The following MAGEC3 variants were observed in gnomAD, a reference collection of about 807,000 sequenced individuals.
MAGEC3 encodes the protein MAGE family member C3.
A neutral mutation model predicts 35.3 loss-of-function variants in MAGEC3; 34 were observed. The observed-to-expected ratio is 0.96, with a 90% CI of 0.73 to 1.28. MAGEC3 has a LOEUF of 1.28. MAGEC3 is among the 50% of genes most tolerant of loss of function. MAGEC3 has a pLI of 0.00. For synonymous variants in MAGEC3, 202 were observed against 185.6 expected (o/e 1.09, Z -0.72); for missense variants, 561 against 483.6 (o/e 1.16, Z -1.50).
intron 3 of MAGEC3, among the ~76,000 whole-genome samples, 153 bp from the exon 4 acceptor site, chrX:141,881,250 T>C (rs758530033): frequency 9.0e-6 from 1 of 110,953 alleles, no homozygotes; most frequent in East Asian, 2.9e-4. Flanking sequence ...AGTAGCTGTC[T>C]GCTGGGATGC....
chrX:141,893,373 A>G (rs149322358), intron 4 of MAGEC3, among the ~76,000 whole-genome samples: 516 of 111,354 alleles, frequency 4.6e-3, no homozygotes, highest in African/African-American at 0.016. Context: ...TAAAAATATC[A>G]GTGGTTTCCG....
At chrX:141,854,101 T>C (rs1335820266) in intron 1 of MAGEC3, among the ~76,000 whole-genome samples, 1 of 111,459 alleles carries the variant, frequency 9.0e-6, no homozygotes, top group Non-Finnish European at 1.9e-5. Flanking sequence ...AGCCCTGCGA[T>C]AGATTATGGG....
Position 141,881,385 on chromosome X carries a change from T to C in MAGEC3, c.516-18T>C, listed in dbSNP as rs373092952. ...AGCCTAGCAGCCAATAAGATGAAGA[T>C]ACAAGTACCTGGCACAGCTTGCCAG... On this transcript the variant is annotated intron_variant, in intron 3 of 7. Transcript: ENST00000298296. The C allele has an allele frequency of 3.2e-5, 38 of 1,177,911 alleles. No individual in the cohort carries two copies. The highest frequency in any genetic ancestry group is 4.9e-5 in the Admixed American group (2 of 40,531).
At chrX:141,847,539 A>C (rs1482089759) in intron 1 of MAGEC3, among the ~76,000 whole-genome samples, 2 of 111,795 alleles carry the variant, frequency 1.8e-5, no homozygotes, top group Non-Finnish European at 3.8e-5. Flanking sequence ...AATGAAGTTC[A>C]ATTAGAAATC....
chrX:141,843,560 C>T lies in MAGEC3; in HGVS notation c.123+5122C>T, dbSNP rs184401466. Among the ~76,000 whole-genome samples the T allele has an allele frequency of 5.3e-3, 592 of 111,154 alleles. 2 individuals carry two copies. Among genetic ancestry groups the T allele is most frequent in the Non-Finnish European group, 9.2e-3 (485 of 52,794 alleles). Reference sequence around the variant, plus strand: ...GAGGGAAAAATAAACTTCCTTCAAACTATATATCACCCCATGAACAGAATG... The same window carrying T: ...GAGGGAAAAATAAACTTCCTTCAAATTATATATCACCCCATGAACAGAATG... On this transcript the variant is annotated intron_variant, in intron 1 of 7. Transcript: ENST00000298296.
At chrX:141,871,467 C>T (rs1365337299) in intron 2 of MAGEC3, among the ~76,000 whole-genome samples, 2 of 111,451 alleles carry the variant, frequency 1.8e-5, no homozygotes, top group Non-Finnish European at 3.8e-5. Flanking sequence ...TGTGGCAAGA[C>T]AGAGTGGAGA....
intron 1 of MAGEC3, among the ~76,000 whole-genome samples, chrX:141,850,004 A>T (rs1287867324): frequency 4.5e-5 from 5 of 111,731 alleles, no homozygotes; most frequent in Admixed American, 9.5e-5. Context: ...TGGATTTTTT[A>T]AAATGTGGTA....
intron 1 of MAGEC3, among the ~76,000 whole-genome samples, chrX:141,859,889 T>G (rs1159964270): frequency 8.9e-6 from 1 of 111,803 alleles, no homozygotes; most frequent in Non-Finnish European, 1.9e-5. Context: ...CAGAAAAGCT[T>G]TTTGCAATAC....
intron 3 of MAGEC3, among the ~76,000 whole-genome samples, chrX:141,880,195 A>G (rs1034095704): frequency 4.5e-5 from 5 of 111,479 alleles, no homozygotes; most frequent in Admixed American, 1.9e-4. Context: ...AGGACTGAGG[A>G]GTCACATGTG....
Position 141,897,532 on chromosome X carries a change from C to G in MAGEC3, c.1728+46C>G, listed in dbSNP as rs148104474. 14,631 of 1,194,995 alleles carry G rather than the reference C, an allele frequency of 0.012. 75 individuals are homozygous for G. The highest frequency in any genetic ancestry group is 0.014 in the Non-Finnish European group (12,489 of 887,760). On this transcript the variant is annotated intron_variant, in intron 7 of 7. Coordinates refer to ENST00000298296, the MANE Select transcript of MAGEC3 (RefSeq NM_138702.1). Reference sequence around the variant, plus strand: ...CTTTATATATGGGGATCCCAGAAAGCTGCTCACTATACATTGGGTGCAGAG... The same window carrying G: ...CTTTATATATGGGGATCCCAGAAAGGTGCTCACTATACATTGGGTGCAGAG...
chrX:141,884,539 A>G (rs2017988651), intron 4 of MAGEC3, among the ~76,000 whole-genome samples: 1 of 111,148 alleles, frequency 9.0e-6, no homozygotes, highest in Non-Finnish European at 1.9e-5. Flanking sequence ...AGATTTTTGT[A>G]CCAGGAGTGG....
chrX:141,869,619 G>A (rs748181076), intron 2 of MAGEC3, among the ~76,000 whole-genome samples: 1 of 111,907 alleles, frequency 8.9e-6, no homozygotes, highest in South Asian at 3.7e-4. Context: ...TGTTGTTGTT[G>A]TTGTGAGAAA....
At chrX:141,845,080 A>G (rs1251524085) in intron 1 of MAGEC3, among the ~76,000 whole-genome samples, 1 of 110,977 alleles carries the variant, frequency 9.0e-6, no homozygotes, top group Admixed American at 9.7e-5. Flanking sequence ...ACTTTTTCGT[A>G]CTTGGTTTAA....
At position 141,897,396 on chromosome X, in the gene MAGEC3, C is replaced by T; in HGVS notation, c.1638C>T (p.Asn546=). 8.3e-6 allele frequency: 10 copies of T among 1,211,905 alleles called. No individual in the cohort carries two copies. The highest frequency in any genetic ancestry group is 1.1e-5 in the Non-Finnish European group (10 of 895,586). Residue 546 remains asparagine, a synonymous_variant, in exon 7 of 8, where the codon AAC becomes AAT. Coordinates refer to ENST00000298296, the MANE Select transcript of MAGEC3 (RefSeq NM_138702.1). ...SLIDDQGMPK[N]CLLILILSMI... is the part of the protein sequence containing the mutation. ...TTGATGACCAGGGCATGCCCAAGAA[C>T]TGTCTCCTGATTCTTATTCTCAGTA...
chrX:141,890,183 CCTGA>C (rs2018030924), intron 4 of MAGEC3, among the ~76,000 whole-genome samples: 1 of 110,621 alleles, frequency 9.0e-6, no homozygotes, highest in Non-Finnish European at 1.9e-5. Context: ...TCTAGAGAAC[CCTGA>C]CTAATACATA....
intron 2 of MAGEC3, among the ~76,000 whole-genome samples, chrX:141,875,883 G>A (rs2017917154): frequency 1.8e-5 from 2 of 111,439 alleles, no homozygotes; most frequent in Non-Finnish European, 3.8e-5. Flanking sequence ...ACCAATCCTG[G>A]CTATGAGCAG....
chrX:141,895,134 G>A lies in MAGEC3; in HGVS notation c.910-135G>A, dbSNP rs775320092. 3,902 of 727,583 alleles carry A rather than the reference G, an allele frequency of 5.4e-3. 18 individuals carry two copies. Among genetic ancestry groups the A allele is most frequent in the Middle Eastern group, 7.4e-3 (15 of 2,026 alleles). The allele number at this position is 727,583 out of a possible 1,213,427, so 60.0% of individuals were successfully genotyped here. ...GGGGTAGGGAGGTGGGCACAAAGGG[G>A]TCGGGGGGCGCTGAGGAGGGCAGGA... On this transcript the variant is annotated intron_variant, in intron 4 of 7. Transcript: ENST00000298296.
chrX:141,844,077 C>T (rs1470485134), intron 1 of MAGEC3, among the ~76,000 whole-genome samples: 1 of 110,748 alleles, frequency 9.0e-6, no homozygotes, highest in East Asian at 2.8e-4. Context: ...GTAAGTTATT[C>T]TGACACTTTT....
intron 4 of MAGEC3, among the ~76,000 whole-genome samples, chrX:141,886,163 T>C (rs1030287765): frequency 2.7e-5 from 3 of 111,054 alleles, no homozygotes; most frequent in African/African-American, 6.6e-5. Context: ...AGCTCTGGCA[T>C]TGGCTGATTA....
Sources: gnomAD v4.1 joint callset for allele counts (sites outside exome capture counted in the v4.1 genomes callset) on GRCh38, gnomAD v4.1.1 for gene constraint, MANE v1.5 for transcripts, NCBI Gene and HGNC (gene_info 2026-07-23, HGNC 2026-07-21) for gene names.